XPR1: variants seen among roughly 807,000 people sequenced by gnomAD.
The protein encoded by XPR1 is xenotropic and polytropic retrovirus receptor 1, also known as solute carrier family 53 member 1.
A neutral mutation model predicts 87.5 loss-of-function variants in XPR1; 28 were observed. That is an observed-to-expected ratio of 0.32 (90% CI 0.24 to 0.44). XPR1 has a LOEUF of 0.44. Among genes scored for constraint, XPR1 ranks in the 20% least tolerant of loss-of-function variants. The probability of loss-of-function intolerance (pLI) is 1.00; values close to 1 mark genes in which losing one functional copy is unlikely to be tolerated. For missense variants in XPR1, 559 were observed against 862.3 expected, an observed-to-expected ratio of 0.65 and a Z score of 4.41; for synonymous variants, 300 against 306.1, an observed-to-expected ratio of 0.98 and a Z score of 0.21.
intron 7 of XPR1, among the ~76,000 whole-genome samples, chr1:180,816,207 G>A (rs929576788): frequency 6.6e-6 from 1 of 152,156 alleles, no homozygotes; most frequent in African/African-American, 2.4e-5. Context: ...ATGGTTTCAA[G>A]GTGAAACCCT....
intron 1 of XPR1, among the ~76,000 whole-genome samples, chr1:180,666,115 T>C (rs1449479108): frequency 1.3e-5 from 2 of 152,202 alleles, no homozygotes; most frequent in African/African-American, 4.8e-5. Context: ...TTTGACCGTA[T>C]ATAGGAGGGT....
chr1:180,708,154 T>C (rs1286184480), intron 2 of XPR1, among the ~76,000 whole-genome samples: 1 of 152,238 alleles, frequency 6.6e-6, no homozygotes, highest in East Asian at 1.9e-4. Context: ...GGAAGTTTAA[T>C]TGAACATCTA....
At chr1:180,696,580 G>A (rs1051173395) in intron 2 of XPR1, among the ~76,000 whole-genome samples, 1 of 151,292 alleles carries the variant, frequency 6.6e-6, no homozygotes, top group African/African-American at 2.5e-5. Flanking sequence ...TTGTTACAAG[G>A]AAGGCTTTCA....
chr1:180,783,821 G>A (rs1168871858), intron 2 of XPR1, among the ~76,000 whole-genome samples: 4 of 151,876 alleles, frequency 2.6e-5, no homozygotes, highest in Non-Finnish European at 4.4e-5. Flanking sequence ...TTGGGAGGCC[G>A]AGGCAGGTGG....
At chr1:180,685,300 G>A (rs1305876507) in intron 2 of XPR1, among the ~76,000 whole-genome samples, 5 of 152,252 alleles carry the variant, frequency 3.3e-5, no homozygotes, top group South Asian at 2.1e-4. Flanking sequence ...ATTGATTTGC[G>A]TATGTTGAAC....
rs955979872 is a variant in XPR1 at position 180,845,136 on chromosome 1, CAG to C, written c.1501+8422_1501+8423del. Among the ~76,000 whole-genome samples, 218 of 152,162 alleles carry C rather than the reference CAG, an allele frequency of 1.4e-3. 3 individuals carry two copies. The highest frequency in any genetic ancestry group is 3.9e-4 in the East Asian group (2 of 5,188). On this transcript the variant is annotated intron_variant, in intron 11 of 14. Coordinates refer to ENST00000367590, the MANE Select transcript of XPR1 (RefSeq NM_004736.4). ...AAATTTTCCACTTTGGTAATAAAAA[CAG>C]AAATATAAATTAAAATAATATTTAA... is the stretch of plus-strand genomic sequence containing the variant.
At position 180,880,301 on chromosome 1, in the gene XPR1, T is replaced by C. The variant is rs781372172; in HGVS notation, c.2030+4T>C. The C allele has an allele frequency of 1.2e-5, 19 of 1,614,016 alleles. No homozygotes were observed. In the East Asian group the frequency reaches 2.4e-4, roughly 21 times the overall value. ...GCCGGCCTCGCCTCGCTTCTCAGTA[T>C]GTATGGCTTCTACTTCTGTGAGGCA... On this transcript the variant is annotated splice_donor_region_variant and intron_variant, in intron 14 of 14. Coordinates refer to ENST00000367590, the MANE Select transcript of XPR1 (RefSeq NM_004736.4).
intron 7 of XPR1, among the ~76,000 whole-genome samples, chr1:180,813,049 C>G (rs888802777): frequency 2.8e-5 from 4 of 144,322 alleles, no homozygotes; most frequent in African/African-American, 5.1e-5. Context: ...TTCCCCCCCC[C>G]CAATGGAAGT....
chr1:180,675,410 C>T (rs1656334692), intron 1 of XPR1, among the ~76,000 whole-genome samples: 2 of 152,154 alleles, frequency 1.3e-5, no homozygotes, highest in Non-Finnish European at 2.9e-5. Context: ...AGATATTTAA[C>T]CTTTTATCTG....
At chr1:180,817,513 T>C (rs1450197529) in intron 7 of XPR1, among the ~76,000 whole-genome samples, 1 of 152,234 alleles carries the variant, frequency 6.6e-6, no homozygotes, top group Non-Finnish European at 1.5e-5. Context: ...GTCTTTTCTA[T>C]GTTTAGAGAT....
At chr1:180,735,401 A>G (rs1658696155) in intron 2 of XPR1, among the ~76,000 whole-genome samples, 1 of 152,240 alleles carries the variant, frequency 6.6e-6, no homozygotes, top group South Asian at 2.1e-4. Context: ...TGTTAATTCA[A>G]TTGGGAAGAC....
At chr1:180,680,036 GC>G (rs1294992587) in intron 1 of XPR1, among the ~76,000 whole-genome samples, 2 of 151,694 alleles carry the variant, frequency 1.3e-5, no homozygotes, top group East Asian at 3.9e-4. Flanking sequence ...CATCTTAACA[GC>G]AAAAAAAAAT....
chr1:180,854,211 C>T (rs1651963457), intron 11 of XPR1, among the ~76,000 whole-genome samples: 1 of 152,216 alleles, frequency 6.6e-6, no homozygotes. Context: ...AAAAGGAAAG[C>T]TTTATTTCCT....
At chr1:180,817,002 G>A (rs1329255689) in intron 7 of XPR1, among the ~76,000 whole-genome samples, 1 of 152,130 alleles carries the variant, frequency 6.6e-6, no homozygotes, top group African/African-American at 2.4e-5. Flanking sequence ...AAGATGTGGA[G>A]GTGGAAGACA....
intron 2 of XPR1, among the ~76,000 whole-genome samples, chr1:180,736,119 T>TAACA (rs1658722133): frequency 6.6e-6 from 1 of 152,234 alleles, no homozygotes. Context: ...GATGGGAATG[T>TAACA]AACATAATGG....
chr1:180,889,845 T>G lies in XPR1; in HGVS notation c.*5779T>G, dbSNP rs1653132167. 1 of 152,226 alleles carries G rather than the reference T, an allele frequency of 6.6e-6. No individual in the cohort carries two copies. Among genetic ancestry groups the G allele is most frequent in the Non-Finnish European group, 1.5e-5 (1 of 68,044 alleles). 9.4% of individuals were successfully genotyped at this position (152,226 alleles called of 1,614,324 possible). ...CTGTGTTGGTCAAATGATACTATTC[T>G]ATGAAACCCTGAGCTATAGTTGTCA... On this transcript the variant is annotated 3_prime_UTR_variant, in exon 15 of 15. Transcript: ENST00000367590.
intron 2 of XPR1, among the ~76,000 whole-genome samples, chr1:180,723,128 C>T (rs536964760): frequency 3.2e-4 from 49 of 152,218 alleles, no homozygotes; most frequent in African/African-American, 1.0e-3. Flanking sequence ...CTCCCCGTTT[C>T]GGCTTTGTTT....
intron 1 of XPR1, 52 bp downstream of exon 1, chr1:180,632,322 A>G (rs894029451): frequency 6.3e-7 from 1 of 1,575,918 alleles, no homozygotes; most frequent in African/African-American, 1.4e-5. Context: ...CCATCTCGCC[A>G]GTCCTGACGT....
In XPR1 at chr1:180,769,656, G is replaced by A. The variant is rs114197278; in HGVS notation, c.122-18097G>A. 4.6e-3 allele frequency among the ~76,000 whole-genome samples: 694 copies of A among 152,160 alleles called. 2 individuals are homozygous for A. Among genetic ancestry groups the A allele is most frequent in the South Asian group, 0.017 (81 of 4,818 alleles). ...CTAAATAGTACTCCATTGTGTATAC[G>A]TACCACATTTTCTTCATTCATCTGT... On this transcript the variant is annotated intron_variant, in intron 2 of 14. Transcript: ENST00000367590.
Sources: gnomAD v4.1 joint callset for allele counts (sites outside exome capture counted in the v4.1 genomes callset) on GRCh38, gnomAD v4.1.1 for gene constraint, MANE v1.5 for transcripts, NCBI Gene and HGNC (gene_info 2026-07-23, HGNC 2026-07-21) for gene names.